Variants in ARHGEF10 observed in about 807,000 individuals in gnomAD.
ARHGEF10 encodes the protein Rho guanine nucleotide exchange factor 10, also known as Rho guanine nucleotide exchange factor (GEF) 10.
In ARHGEF10, 140 loss-of-function variants were observed where a neutral mutation model predicts 147.4. The observed-to-expected ratio is 0.95, with a 90% CI of 0.83 to 1.09. The LOEUF (loss-of-function observed/expected upper bound fraction) is 1.09, where lower values mean the gene tolerates loss of function less well. ARHGEF10 is among the 50% of genes least tolerant of loss of function. ARHGEF10 has a pLI of 0.00. For missense variants in ARHGEF10, 2,222 were observed against 1,752.7 expected, an observed-to-expected ratio of 1.27 and a Z score of -4.78; for synonymous variants, 902 against 695.8, an observed-to-expected ratio of 1.30 and a Z score of -4.67.
chr8:1,872,383 G>A (rs918957435), intron 7 of ARHGEF10, among the ~76,000 whole-genome samples: 1 of 152,208 alleles, frequency 6.6e-6, no homozygotes, highest in African/African-American at 2.4e-5. Flanking sequence ...CCAGTGAATA[G>A]CAGAAGCAAG....
chr8:1,837,998 G>C (rs1803692326), intron 1 of ARHGEF10, among the ~76,000 whole-genome samples: 1 of 152,200 alleles, frequency 6.6e-6, no homozygotes, highest in South Asian at 2.1e-4. Flanking sequence ...GGACTGCAGA[G>C]TTCAAAGGGG....
chr8:1,922,886 T>G, intron 18 of ARHGEF10, 78 bp from the exon 19 acceptor site: 2 of 994,046 alleles, frequency 2.0e-6, no homozygotes, highest in Non-Finnish European at 3.1e-6. Flanking sequence ...AGTATTTGAG[T>G]CTTTTCTTCC....
chr8:1,942,226 T>C (rs971511742), intron 26 of ARHGEF10, among the ~76,000 whole-genome samples: 9 of 148,768 alleles, frequency 6.0e-5, no homozygotes, highest in Non-Finnish European at 1.3e-4. Context: ...GTGAGAAGGA[T>C]CTAGTATGCA....
intron 2 of ARHGEF10, among the ~76,000 whole-genome samples, chr8:1,850,803 T>A (rs1016981635): frequency 6.6e-6 from 1 of 152,110 alleles, no homozygotes; most frequent in Non-Finnish European, 1.5e-5. Context: ...AGCCATGATG[T>A]CCTTCAGGAG....
At chr8:1,844,352 G>T (rs1303098127) in intron 2 of ARHGEF10, among the ~76,000 whole-genome samples, 4 of 152,164 alleles carry the variant, frequency 2.6e-5, no homozygotes, top group Admixed American at 2.0e-4. Context: ...GGGCCTGGTA[G>T]ATGACAAAGA....
chr8:1,895,842 G>C (rs985615852), intron 13 of ARHGEF10, among the ~76,000 whole-genome samples: 2 of 152,158 alleles, frequency 1.3e-5, no homozygotes, highest in African/African-American at 4.8e-5. Context: ...TGTGCTTTTA[G>C]GAAAACGAAC....
intron 11 of ARHGEF10, among the ~76,000 whole-genome samples, chr8:1,889,909 T>C (rs1454950018): frequency 4.5e-5 from 6 of 132,970 alleles, no homozygotes; most frequent in Non-Finnish European, 8.1e-5. Context: ...GGGTGAACTT[T>C]GTTAGGAGGC....
chr8:1,890,695 G>C (rs1809457302), intron 11 of ARHGEF10, among the ~76,000 whole-genome samples: 2 of 134,296 alleles, frequency 1.5e-5, no homozygotes, highest in African/African-American at 6.0e-5. Context: ...GACACTGAGT[G>C]GGTCACGGGG....
At chr8:1,947,706 T>C (rs1489388071) in intron 27 of ARHGEF10, among the ~76,000 whole-genome samples, 3 of 118,488 alleles carry the variant, frequency 2.5e-5, no homozygotes, top group East Asian at 6.0e-4. Flanking sequence ...CACCCTCTCA[T>C]CCCAGCATCC....
At chr8:1,836,809 G>A (rs1042879806) in intron 1 of ARHGEF10, among the ~76,000 whole-genome samples, 3 of 152,150 alleles carry the variant, frequency 2.0e-5, no homozygotes, top group South Asian at 2.1e-4. Flanking sequence ...GGAGGTAACC[G>A]AATCATCAGG....
rs117619085 is a variant in ARHGEF10, at chr8:1,846,136, G to A, written c.37+2700G>A. On this transcript the variant is annotated intron_variant, in intron 2 of 28. Coordinates refer to ENST00000349830, the MANE Select transcript of ARHGEF10 (RefSeq NM_014629.4). ...TTCACCCAGGAGGGTGTCCTCGGGAGACCCTGGCGGGAGCCCGGGAGCCGC... is the reference window on the plus strand; with the variant it reads ...TTCACCCAGGAGGGTGTCCTCGGGAAACCCTGGCGGGAGCCCGGGAGCCGC... Among the ~76,000 whole-genome samples the A allele has an allele frequency of 2.3e-3, 355 of 152,356 alleles. 2 individuals carry two copies. The highest frequency in any genetic ancestry group is 4.1e-3 in the Non-Finnish European group (280 of 68,040).
intron 5 of ARHGEF10, 146 bp from the exon 6 acceptor site, chr8:1,866,380 A>C (rs1806612431): frequency 1.3e-6 from 1 of 753,274 alleles, no homozygotes; most frequent in African/African-American, 1.7e-5. Context: ...TAGCTGGGAA[A>C]ATATGTGATT....
chr8:1,926,099 C>T (rs1812670692), intron 22 of ARHGEF10, among the ~76,000 whole-genome samples: 1 of 152,174 alleles, frequency 6.6e-6, no homozygotes, highest in African/African-American at 2.4e-5. Flanking sequence ...GCCCTCCCAT[C>T]TGAAGCGCCC....
At chr8:1,847,264 CAG>C (rs1804631407) in intron 2 of ARHGEF10, among the ~76,000 whole-genome samples, 1 of 152,188 alleles carries the variant, frequency 6.6e-6, no homozygotes, top group Non-Finnish European at 1.5e-5. Context: ...CTGGAAAAAA[CAG>C]AACCCCTCTC....
intron 11 of ARHGEF10, among the ~76,000 whole-genome samples, chr8:1,886,445 C>G (rs1032576522): frequency 1.3e-5 from 2 of 152,142 alleles, no homozygotes; most frequent in African/African-American, 2.4e-5. Flanking sequence ...AGATTAAAGA[C>G]AAACAACACA....
intron 1 of ARHGEF10, among the ~76,000 whole-genome samples, chr8:1,834,823 G>A (rs1241072971): frequency 1.3e-5 from 2 of 152,202 alleles, no homozygotes; most frequent in Non-Finnish European, 2.9e-5. Context: ...CAGAATGCCG[G>A]GGCCACAGGG....
chr8:1,827,079 G>A (rs1050477775), intron 1 of ARHGEF10, among the ~76,000 whole-genome samples: 6 of 152,222 alleles, frequency 3.9e-5, no homozygotes, highest in Non-Finnish European at 8.8e-5. Flanking sequence ...GTGGCAGACA[G>A]GGCCACAGCC....
intron 18 of ARHGEF10, among the ~76,000 whole-genome samples, 156 bp from the exon 19 acceptor site, chr8:1,922,808 C>T (rs1812397342): frequency 6.6e-6 from 1 of 152,188 alleles, no homozygotes; most frequent in Non-Finnish European, 1.5e-5. Flanking sequence ...AAAGGAAAAA[C>T]CACTAAATGC....
chr8:1,944,159 C>G (rs988778262), intron 26 of ARHGEF10, among the ~76,000 whole-genome samples: 5 of 147,522 alleles, frequency 3.4e-5, no homozygotes, highest in African/African-American at 9.9e-5. Flanking sequence ...TCGCCTCCCT[C>G]GGGATCCCAG....
Sources: gnomAD v4.1 joint callset for allele counts (sites outside exome capture counted in the v4.1 genomes callset) on GRCh38, gnomAD v4.1.1 for gene constraint, MANE v1.5 for transcripts, NCBI Gene and HGNC (gene_info 2026-07-23, HGNC 2026-07-21) for gene names.